PCED1B: variants seen among roughly 807,000 people sequenced by gnomAD.
PCED1B encodes PC-esterase domain-containing protein 1B.
For missense variants in PCED1B, 573 were observed against 573.9 expected (o/e 1.00, Z 0.02); for synonymous variants, 251 against 246.1 (o/e 1.02, Z -0.19).
intron 3 of PCED1B, among the ~76,000 whole-genome samples, chr12:47,226,200 TA>T (rs1457803630): frequency 6.6e-6 from 1 of 152,236 alleles, no homozygotes; most frequent in Non-Finnish European, 1.5e-5. Flanking sequence ...CATGAAACTT[TA>T]AAAAAATTCT....
At chr12:47,188,155 C>T (rs1265822189) in intron 2 of PCED1B, among the ~76,000 whole-genome samples, 2 of 152,194 alleles carry the variant, frequency 1.3e-5, no homozygotes, top group African/African-American at 4.8e-5. Context: ...TCTCCCCTTA[C>T]TAAGGACTTT....
chr12:47,092,944 C>G (rs568094798), intron 1 of PCED1B, among the ~76,000 whole-genome samples: 1 of 151,944 alleles, frequency 6.6e-6, no homozygotes, highest in Non-Finnish European at 1.5e-5. Flanking sequence ...GATGGGCTTG[C>G]AGTTTTCTTT....
chr12:47,083,898 A>G (rs1414519450), intron 1 of PCED1B, among the ~76,000 whole-genome samples: 1 of 152,162 alleles, frequency 6.6e-6, no homozygotes, highest in Non-Finnish European at 1.5e-5. Context: ...CTTCATTGAC[A>G]TAGGCCGGAC....
chr12:47,104,307 T>C (rs1938848105), intron 2 of PCED1B, 112 bp downstream of exon 2: 1 of 152,354 alleles, frequency 6.6e-6, no homozygotes, highest in African/African-American at 2.4e-5. Context: ...CTCTGACACT[T>C]AGTAGCTGTG....
At chr12:47,206,565 C>G (rs959905659) in intron 2 of PCED1B, 1 of 152,220 alleles carries the variant, frequency 6.6e-6, no homozygotes, top group African/African-American at 2.4e-5. Flanking sequence ...CCACCTCCTG[C>G]CTCCTTGGTA....
intron 1 of PCED1B, among the ~76,000 whole-genome samples, chr12:47,083,711 G>A (rs1937849819): frequency 6.6e-6 from 1 of 152,126 alleles, no homozygotes; most frequent in African/African-American, 2.4e-5. Flanking sequence ...AGGAGGCATG[G>A]GTCAGCTTAT....
chr12:47,190,525 G>A (rs1223120511), intron 2 of PCED1B, among the ~76,000 whole-genome samples: 1 of 152,234 alleles, frequency 6.6e-6, no homozygotes, highest in East Asian at 1.9e-4. Flanking sequence ...GCCTACACCA[G>A]TTTCAGTGGG....
chr12:47,124,130 A>G (rs1939789481), intron 2 of PCED1B, among the ~76,000 whole-genome samples: 1 of 152,040 alleles, frequency 6.6e-6, no homozygotes, highest in African/African-American at 2.4e-5. Context: ...AATAATGAAC[A>G]TATCTAACAT....
chr12:47,127,609 C>T (rs1939947294), intron 2 of PCED1B, among the ~76,000 whole-genome samples: 2 of 151,906 alleles, frequency 1.3e-5, no homozygotes, highest in South Asian at 2.1e-4. Context: ...CGTGATCTGC[C>T]CACCTAGACC....
intron 2 of PCED1B, among the ~76,000 whole-genome samples, chr12:47,106,933 C>G (rs1938978978): frequency 1.3e-5 from 2 of 152,112 alleles, no homozygotes; most frequent in Admixed American, 1.3e-4. Flanking sequence ...AAGTCCTGTT[C>G]CTTTCTGCCT....
intron 2 of PCED1B, among the ~76,000 whole-genome samples, chr12:47,110,297 C>T (rs1939134314): frequency 6.6e-6 from 1 of 152,140 alleles, no homozygotes; most frequent in African/African-American, 2.4e-5. Flanking sequence ...AACAAAAATG[C>T]TGTGTTTGGA....
intron 2 of PCED1B, among the ~76,000 whole-genome samples, chr12:47,194,864 G>A (rs1942553153): frequency 6.6e-6 from 1 of 152,120 alleles, no homozygotes; most frequent in Non-Finnish European, 1.5e-5. Context: ...AACAGCACTG[G>A]CCACTTATCC....
At chr12:47,209,379 G>A (rs111576690) in intron 2 of PCED1B, 12,581 of 152,292 alleles carry the variant, frequency 0.083, 1,647 homozygotes, top group African/African-American at 0.28. Context: ...CCGGCTACTC[G>A]GGAGGCTGAG....
chr12:47,089,468 A>ATATATGTATG (rs1565740017), intron 1 of PCED1B, among the ~76,000 whole-genome samples: 1 of 93,586 alleles, frequency 1.1e-5, no homozygotes, highest in Non-Finnish European at 2.0e-5. Context: ...ATACATATAT[A>ATATATGTATG]TATATATATA....
rs747431349 is a variant in PCED1B, at chr12:47,211,226, T to C, written c.-525-4996T>C. On this transcript the variant is annotated intron_variant, in intron 2 of 3. Coordinates refer to ENST00000546455, the MANE Select transcript of PCED1B (RefSeq NM_138371.3). ...GAACATAGAGAAGACCATATCCTACTCAACCTCATATCTCAGGTGCTAAGC... is the reference window on the plus strand; with the variant it reads ...GAACATAGAGAAGACCATATCCTACCCAACCTCATATCTCAGGTGCTAAGC... Among the ~76,000 whole-genome samples the C allele has an allele frequency of 1.2e-4, 19 of 152,330 alleles. No individual in the cohort carries two copies. The South Asian group carries it at 1.5e-3, about 12-fold the overall frequency.
chr12:47,147,568 AT>A (rs1435124362), intron 2 of PCED1B, among the ~76,000 whole-genome samples: 1 of 152,012 alleles, frequency 6.6e-6, no homozygotes, highest in Non-Finnish European at 1.5e-5. Flanking sequence ...TTTACCATCC[AT>A]ATTTTATTTC....
At chr12:47,166,961 G>A (rs943775613) in intron 2 of PCED1B, among the ~76,000 whole-genome samples, 1 of 152,146 alleles carries the variant, frequency 6.6e-6, no homozygotes, top group South Asian at 2.1e-4. Flanking sequence ...AGATGGTTAA[G>A]GCTTTTACGG....
At chr12:47,083,188 T>A (rs745774107) in intron 1 of PCED1B, among the ~76,000 whole-genome samples, 1 of 151,964 alleles carries the variant, frequency 6.6e-6, no homozygotes, top group Non-Finnish European at 1.5e-5. Flanking sequence ...AGCACATGTT[T>A]GATGATTCTA....
At chr12:47,116,161 A>G (rs1275562275) in intron 2 of PCED1B, among the ~76,000 whole-genome samples, 1 of 152,216 alleles carries the variant, frequency 6.6e-6, no homozygotes, top group Non-Finnish European at 1.5e-5. Flanking sequence ...CAACGTATCT[A>G]CATGGTGTCA....
Sources: allele counts gnomAD v4.1 joint callset (sites outside exome capture counted in the v4.1 genomes callset), GRCh38; gene constraint gnomAD v4.1.1; transcripts MANE v1.5; gene names NCBI Gene and HGNC (gene_info 2026-07-23, HGNC 2026-07-21).